DDX5: variants seen among roughly 807,000 people sequenced by gnomAD.
The protein encoded by DDX5 is probable ATP-dependent RNA helicase DDX5.
Under a neutral mutation model 68.6 loss-of-function variants are expected in DDX5, and 6 were observed. The ratio of observed to expected loss-of-function variants is 0.09; its 90% CI spans 0.05 to 0.17. The LOEUF is 0.17. Among genes scored for constraint, DDX5 ranks in the 10% least tolerant of loss-of-function variants. DDX5 has a pLI of 1.00. For missense variants in DDX5, 499 were observed against 756.1 expected, an observed-to-expected ratio of 0.66 and a Z score of 3.99; for synonymous variants, 350 against 247.0, an observed-to-expected ratio of 1.42 and a Z score of -3.91.
At position 64,502,441 on chromosome 17, in the gene DDX5, A is replaced by G; in HGVS notation, c.1092T>C (p.Asp364=). ...CDELTRKMRR[D]GWPAMGIHGD... ...TCAATGGAGGAGCTCACACATACCCATCTCTCCTCATTTTTCTGGTAAGCT... is the reference window on the plus strand; with the variant it reads ...TCAATGGAGGAGCTCACACATACCCGTCTCTCCTCATTTTTCTGGTAAGCT... Residue 364 remains aspartate (D), a splice_region_variant and synonymous_variant, in exon 9 of 13, where the codon GAT becomes GAC. Transcript: ENST00000225792. 1 of 1,605,256 alleles carries G rather than the reference A, an allele frequency of 6.2e-7. No homozygotes were observed. The highest frequency in any genetic ancestry group is 8.5e-7 in the Non-Finnish European group (1 of 1,172,108).
intron 9 of DDX5, 32 bp downstream of exon 9, chr17:64,502,407 C>T (rs782185827): frequency 1.3e-6 from 2 of 1,535,848 alleles, no homozygotes; most frequent in Non-Finnish European, 9.0e-7. Flanking sequence ...CTGTTTTAAT[C>T]AATCTGCTTC....
At chr17:64,504,172 G>A (rs374233149) in intron 3 of DDX5, 50 bp downstream of exon 3, 11 of 1,611,398 alleles carry the variant, frequency 6.8e-6, no homozygotes, top group East Asian at 4.5e-5. Flanking sequence ...AAAAGAGGGG[G>A]TAGGTGGAAA....
In DDX5 at chr17:64,503,542, C is replaced by T; in HGVS notation, c.537G>A (p.Leu179=). ...ICLVLAPTRE[L]AQQVQQVAAE... is the part of the protein sequence containing the mutation. ...CAGCTACTTGCTGCACCTGTTGGGC[C>T]AGTTCCCGAGTTGGTGCCAGCACCA... Residue 179 remains leucine, a synonymous_variant, in exon 6 of 13, where the codon CTG becomes CTA. Coordinates refer to ENST00000225792, the MANE Select transcript of DDX5 (RefSeq NM_004396.5). The T allele has an allele frequency of 6.2e-7, 1 of 1,614,220 alleles. No homozygotes were observed. Among genetic ancestry groups the T allele is most frequent in the Non-Finnish European group, 8.5e-7 (1 of 1,180,040 alleles).
At chr17:64,506,019 G>GTGCCCC in intron 1 of DDX5, 57 bp downstream of exon 1, 7 of 1,360,420 alleles carry the variant, frequency 5.1e-6, no homozygotes, top group South Asian at 2.5e-5. Context: ...CCGCCACCCT[G>GTGCCCC]ACCCGCCCTC....
intron 7 of DDX5, 26 bp downstream of exon 7, chr17:64,503,162 G>A (rs1162112497): frequency 6.2e-7 from 1 of 1,613,268 alleles, no homozygotes; most frequent in Non-Finnish European, 8.5e-7. Context: ...AATTCAGTTT[G>A]ATCACATATT....
intron 1 of DDX5, 31 bp from the exon 2 acceptor site, chr17:64,504,873 T>A (rs370364978): frequency 5.0e-6 from 8 of 1,584,774 alleles, no homozygotes; most frequent in Non-Finnish European, 6.8e-6. Context: ...ATTCACATTT[T>A]CAAATGGCTA....
Position 64,500,145 on chromosome 17 carries a change from G to A in DDX5, c.1623C>T (p.Thr541=). Reference sequence around the variant, plus strand: ...CAAAATTACTTCCAAAGCTCCCATTGGTGTAATTTGCAGCACTGTAAACAC... The same window carrying A: ...CAAAATTACTTCCAAAGCTCCCATTAGTGTAATTTGCAGCACTGTAAACAC... ...QNGVYSAANY[T]NGSFGSNFVS... The change falls in exon 13 of 13, where the codon ACC becomes ACT. Residue 541 remains threonine (T), a synonymous_variant. Coordinates refer to ENST00000225792, the MANE Select transcript of DDX5 (RefSeq NM_004396.5). 1.9e-6 allele frequency: 3 copies of A among 1,614,154 alleles called. No individual in the cohort carries two copies. The highest frequency in any genetic ancestry group is 2.5e-6 in the Non-Finnish European group (3 of 1,180,036).
At chr17:64,500,373 A>T (rs1568100084) in intron 12 of DDX5, 47 bp from the exon 13 acceptor site, 5 of 1,567,022 alleles carry the variant, frequency 3.2e-6, no homozygotes, top group Non-Finnish European at 3.5e-6. Context: ...CTATGACACA[A>T]ATCATTGTGG....
At chr17:64,503,748 T>C (rs1386162389) in intron 5 of DDX5, 55 bp downstream of exon 5, 3 of 1,568,524 alleles carry the variant, frequency 1.9e-6, no homozygotes, top group Non-Finnish European at 1.7e-6. Flanking sequence ...TTTAGCTATG[T>C]AGTCTAAAAT....
Position 64,499,959 on chromosome 17 carries a change from C to T in DDX5, c.1809G>A (p.Met603Ile), listed in dbSNP as rs2038254147. ...ATCCTGTTGGCATTGGATAACCAAT[C>T]ATAGGTGCAGCTGCAGTAGCAGGAT... ...YAYPATAAAP[M>I]IGYPMPTGYS... is the part of the protein sequence containing the mutation. Residue 603 changes from methionine (M) to isoleucine (I), a missense_variant, in exon 13 of 13, where the codon ATG becomes ATA. By Grantham distance (10) the Met-to-Ile change is conservative. This residue lies in a region of DDX5 where 171 missense variants were observed against 174.8 expected (regional missense o/e 0.98). Coordinates refer to ENST00000225792, the MANE Select transcript of DDX5 (RefSeq NM_004396.5). 4 of 1,611,130 alleles carry T rather than the reference C, an allele frequency of 2.5e-6. No individual in the cohort carries two copies. Among genetic ancestry groups the T allele is most frequent in the Admixed American group, 1.7e-5 (1 of 59,796 alleles).
chr17:64,498,989 A>T lies in DDX5; in HGVS notation c.*934T>A, dbSNP rs1555670386. On this transcript the variant is annotated 3_prime_UTR_variant, in exon 13 of 13. Coordinates refer to ENST00000225792, the MANE Select transcript of DDX5 (RefSeq NM_004396.5). ...TCTCTAGAATTCCCTGAATTATTGG[A>T]AAGACATTCATGACTCCCAGTGTGA... is the stretch of plus-strand genomic sequence containing the variant. 6.6e-6 allele frequency among the ~76,000 whole-genome samples: 1 copy of T among 152,232 alleles called. No homozygotes were observed. The highest frequency in any genetic ancestry group is 2.4e-5 in the African/African-American group (1 of 41,460).
At chr17:64,502,580 T>C (rs782008166) in intron 8 of DDX5, 31 bp from the exon 9 acceptor site, 2 of 1,527,456 alleles carry the variant, frequency 1.3e-6, no homozygotes, top group East Asian at 2.2e-5. Context: ...GGAAAAATCC[T>C]GAGTTTTAAA....
intron 11 of DDX5, chr17:64,501,087 C>T (rs760549836): frequency 1.6e-4 from 58 of 364,444 alleles, no homozygotes; most frequent in Non-Finnish European, 2.3e-4. Context: ...AATGCTTCTG[C>T]GCAGTAGGGC....
chr17:64,506,742 C>T (rs1229613825), upstream of DDX5: 8 of 458,306 alleles, frequency 1.7e-5, no homozygotes, highest in East Asian at 2.9e-4. Flanking sequence ...GGATACAAAA[C>T]GAAATAGCTC....
At chr17:64,505,639 T>C in intron 1 of DDX5, 3 of 1,218,482 alleles carry the variant, frequency 2.5e-6, no homozygotes, top group Non-Finnish European at 3.5e-6. Flanking sequence ...GCCACATGGC[T>C]GATGCCGGCC....
chr17:64,504,420 A>G, intron 2 of DDX5, 102 bp from the exon 3 acceptor site: 1 of 1,105,118 alleles, frequency 9.0e-7, no homozygotes, highest in East Asian at 2.4e-5. Context: ...ACTAGTTTAA[A>G]GTAGCCTTCA....
chr17:64,505,193 A>G (rs1195145614), intron 1 of DDX5: 6 of 266,078 alleles, frequency 2.3e-5, no homozygotes, highest in African/African-American at 1.3e-4. Flanking sequence ...GCAATTCACT[A>G]TCAGCAATAA....
At chr17:64,505,324 C>G in intron 1 of DDX5, 4 of 376,904 alleles carry the variant, frequency 1.1e-5, no homozygotes, top group Non-Finnish European at 2.0e-5. Context: ...CAAGGGTTTT[C>G]TCAGAAACAC....
chr17:64,505,948 G>A (rs1056933078), intron 1 of DDX5, 128 bp downstream of exon 1: 13 of 1,535,998 alleles, frequency 8.5e-6, no homozygotes, highest in Admixed American at 3.9e-5. Context: ...GCAAGCCTTC[G>A]GGAAAGGAAG....
Sources: gnomAD v4.1 joint callset for allele counts (sites outside exome capture counted in the v4.1 genomes callset) on GRCh38, gnomAD v4.1.1 for gene constraint, gnomAD v4.1.1 regional missense constraint, MANE v1.5 for transcripts, NCBI Gene and HGNC (gene_info 2026-07-23, HGNC 2026-07-21) for gene names.